Variants in PRH1 observed in about 807,000 individuals in gnomAD.
PRH1 encodes the protein proline rich protein HaeIII subfamily 1.
PRH1 carries 7 observed loss-of-function variants against 7.9 expected under a neutral mutation model. That is an observed-to-expected ratio of 0.89 (90% CI 0.50 to 1.67). The LOEUF (loss-of-function observed/expected upper bound fraction) is 1.67. Ranked by LOEUF, PRH1 falls within the 40% of genes most tolerant of loss-of-function variation. PRH1 has a pLI of 0.00. For missense variants in PRH1, 109 were observed against 223.6 expected (o/e 0.49, Z 3.27); for synonymous variants, 45 against 80.8 (o/e 0.56, Z 2.38).
chr12:11,062,067 G>C (rs777100331), intron 1 of PRH1: 2 of 1,613,660 alleles, frequency 1.2e-6, no homozygotes, highest in Non-Finnish European at 8.5e-7. Flanking sequence ...CTTCTATACT[G>C]TTAAAAGCTG....
chr12:11,086,232 T>C (rs1371990476), intron 1 of PRH1, among the ~76,000 whole-genome samples: 1 of 147,276 alleles, frequency 6.8e-6, no homozygotes, highest in Non-Finnish European at 1.5e-5. Context: ...TAATGTCTCA[T>C]GCTTAGGCCT....
intron 2 of PRH1, among the ~76,000 whole-genome samples, chr12:10,907,667 T>G (rs1949825083): frequency 6.6e-6 from 1 of 151,580 alleles, no homozygotes; most frequent in Non-Finnish European, 1.5e-5. Flanking sequence ...GAGGGTAAAC[T>G]GCAAAGGGCA....
chr12:10,908,755 T>A, intron 2 of PRH1: 1 of 1,613,990 alleles, frequency 6.2e-7, no homozygotes, highest in Non-Finnish European at 8.5e-7. Context: ...ATAGTCATAG[T>A]GAATTTGACC....
intron 1 of PRH1, among the ~76,000 whole-genome samples, chr12:11,149,374 C>T (rs1424998317): frequency 6.6e-6 from 1 of 152,052 alleles, no homozygotes; most frequent in Non-Finnish European, 1.5e-5. Flanking sequence ...AATCCTAAGC[C>T]AAAAGAACAA....
Position 10,954,081 on chromosome 12 carries a change from C to G in PRH1, c.-59+19574G>C, listed in dbSNP as rs1398560128. Among the ~76,000 whole-genome samples the G allele has an allele frequency of 2.0e-5, 3 of 152,114 alleles. No individual in the cohort carries two copies. The East Asian group carries it at 5.8e-4, about 29-fold the overall frequency. ...AAATGCTAAGGGATTTGATTACCAC[C>G]AGACCCACCTCACAAGAGGTCCTGA... On this transcript the variant is annotated intron_variant, in intron 2 of 3. Coordinates refer to the PRH1 transcript ENST00000539853.
At chr12:10,967,544 T>C (rs1938569632) in intron 2 of PRH1, among the ~76,000 whole-genome samples, 1 of 152,220 alleles carries the variant, frequency 6.6e-6, no homozygotes, top group African/African-American at 2.4e-5. Context: ...AACACTTGGG[T>C]CACACAATAC....
intron 2 of PRH1, chr12:10,894,922 T>C (rs1020763800): frequency 2.6e-5 from 4 of 152,160 alleles, no homozygotes; most frequent in African/African-American, 9.7e-5. Context: ...TCTGAGAATA[T>C]CATCACTCAT....
intron 1 of PRH1, among the ~76,000 whole-genome samples, chr12:11,110,683 C>G (rs1252251226): frequency 2.0e-5 from 3 of 152,188 alleles, no homozygotes; most frequent in Admixed American, 6.5e-5. Flanking sequence ...AAACCAGTAC[C>G]AGCCACTTCA....
intron 1 of PRH1, among the ~76,000 whole-genome samples, chr12:10,983,558 T>C (rs1344753741): frequency 1.3e-5 from 2 of 152,178 alleles, no homozygotes; most frequent in African/African-American, 4.8e-5. Flanking sequence ...AGGGACTGGA[T>C]GATGGAACGC....
chr12:10,997,875 T>C (rs752429456), intron 1 of PRH1: 6 of 1,569,452 alleles, frequency 3.8e-6, no homozygotes, highest in East Asian at 4.5e-5. Flanking sequence ...AAACTCATCA[T>C]GTCTAAACAA....
At chr12:11,134,779 A>G (rs1317137193) in intron 1 of PRH1, 1 of 154,292 alleles carries the variant, frequency 6.5e-6, no homozygotes, top group Non-Finnish European at 1.4e-5. Flanking sequence ...AAATACACAG[A>G]ATCCAAACTG....
At chr12:10,959,872 C>T (rs774002328) in intron 2 of PRH1, among the ~76,000 whole-genome samples, 13 of 152,188 alleles carry the variant, frequency 8.5e-5, no homozygotes, top group Non-Finnish European at 1.8e-4. Flanking sequence ...TTGAGACCTT[C>T]GGCAGTGTGA....
chr12:11,084,036 C>G (rs76849751), intron 1 of PRH1, among the ~76,000 whole-genome samples: 15,164 of 67,290 alleles, frequency 0.23, 1,732 homozygotes, highest in Non-Finnish European at 0.31. Context: ...TTTGCAAATC[C>G]TGCATTTACC....
At chr12:10,996,726 T>C (rs1247072866) in intron 1 of PRH1, 1 of 345,740 alleles carries the variant, frequency 2.9e-6, no homozygotes, top group Non-Finnish European at 5.1e-6. Context: ...TTATGGTAAA[T>C]ATTAAATTTT....
At chr12:10,971,343 G>T (rs11054122) in intron 2 of PRH1, among the ~76,000 whole-genome samples, 36,909 of 150,652 alleles carry the variant, frequency 0.24, 4,508 homozygotes, top group Non-Finnish European at 0.25. Context: ...TTTTCACTAT[G>T]GATAGATCCT....
chr12:11,112,268 C>T (rs1244939541), intron 1 of PRH1, among the ~76,000 whole-genome samples: 1 of 152,012 alleles, frequency 6.6e-6, no homozygotes, highest in Non-Finnish European at 1.5e-5. Flanking sequence ...ATTCAAAACA[C>T]TGGAAAAAGA....
intron 1 of PRH1, among the ~76,000 whole-genome samples, chr12:11,104,740 G>C (rs368507271): frequency 1.3e-5 from 2 of 152,028 alleles, no homozygotes; most frequent in African/African-American, 4.8e-5. Context: ...GCCATACTCA[G>C]CCGAAATGAT....
intron 2 of PRH1, among the ~76,000 whole-genome samples, chr12:10,919,293 T>C (rs1950014179): frequency 6.6e-6 from 1 of 152,188 alleles, no homozygotes; most frequent in Non-Finnish European, 1.5e-5. Context: ...AACTCTATAA[T>C]TTTTTTGTTG....
At chr12:11,122,355 A>C (rs1311374349) in intron 1 of PRH1, among the ~76,000 whole-genome samples, 3 of 152,252 alleles carry the variant, frequency 2.0e-5, no homozygotes, top group Admixed American at 2.0e-4. Context: ...CACCACAGCC[A>C]TCCATCAAAC....
Sources: allele counts gnomAD v4.1 joint callset (sites outside exome capture counted in the v4.1 genomes callset), GRCh38; gene constraint gnomAD v4.1.1; transcripts MANE v1.5; gene names NCBI Gene and HGNC (gene_info 2026-07-23, HGNC 2026-07-21).